RTL4: variants seen among roughly 807,000 people sequenced by gnomAD.
RTL4 encodes the protein retrotransposon Gag like 4, also known as retrotransposon Gag-like protein 4.
Under a neutral mutation model 5.3 loss-of-function variants are expected in RTL4, and 4 were observed. That is an observed-to-expected ratio of 0.75 (90% CI 0.37 to 1.72). The LOEUF (loss-of-function observed/expected upper bound fraction) is 1.72. Ranked by LOEUF, RTL4 falls within the 40% of genes most tolerant of loss-of-function variation. The pLI, the probability that RTL4 is intolerant of heterozygous loss-of-function variation, is 0.04. For missense variants in RTL4, 260 were observed against 227.1 expected, an observed-to-expected ratio of 1.14 and a Z score of -0.93; for synonymous variants, 98 against 87.3, an observed-to-expected ratio of 1.12 and a Z score of -0.68.
the RTL4 span, among the ~76,000 whole-genome samples, chrX:112,110,857 T>C: frequency 8.9e-6 from 1 of 111,968 alleles, no homozygotes; most frequent in Non-Finnish European, 1.9e-5. Flanking sequence ...TCTATCGTTC[T>C]GTCCTGAAGG....
exon 1 of RTL4, chrX:112,455,826 C>A: frequency 1.3e-5 from 6 of 465,772 alleles, no homozygotes; most frequent in Non-Finnish European, 2.1e-5. Flanking sequence ...TGTTCATTGG[C>A]AAATTACCCC....
At chrX:112,280,761 C>A in the RTL4 span, among the ~76,000 whole-genome samples, 1 of 111,765 alleles carries the variant, frequency 8.9e-6, no homozygotes, top group Non-Finnish European at 1.9e-5. Context: ...TCCCAAAATG[C>A]TGGGATTACA....
At chrX:112,215,249 C>G in the RTL4 span, among the ~76,000 whole-genome samples, 1 of 111,482 alleles carries the variant, frequency 9.0e-6, no homozygotes, top group Non-Finnish European at 1.9e-5. Context: ...CAAACATTAT[C>G]TTTTCTTTGT....
the RTL4 span, among the ~76,000 whole-genome samples, chrX:112,303,663 T>C: frequency 0.29 from 25,282 of 88,022 alleles, 4,983 homozygotes; most frequent in African/African-American, 0.57. Flanking sequence ...TGCTAAATGA[T>C]GAGTTAGTGG....
At chrX:112,261,701 T>G in the RTL4 span, among the ~76,000 whole-genome samples, 3 of 111,900 alleles carry the variant, frequency 2.7e-5, no homozygotes, top group African/African-American at 9.8e-5. Flanking sequence ...ACTTTAAAGT[T>G]CATATGGAAC....
At chrX:112,387,440 C>A in the RTL4 span, among the ~76,000 whole-genome samples, 1 of 106,478 alleles carries the variant, frequency 9.4e-6, no homozygotes, top group Non-Finnish European at 1.9e-5. Context: ...GCAGACATTT[C>A]TCAGCACCAT....
the RTL4 span, among the ~76,000 whole-genome samples, chrX:112,236,422 TATATAG>T: frequency 6.8e-4 from 38 of 56,287 alleles, no homozygotes; most frequent in African/African-American, 2.4e-3. Flanking sequence ...TCTATATCTA[TATATAG>T]ATATAGATCT....
chrX:112,308,966 G>A, the RTL4 span, among the ~76,000 whole-genome samples: 1 of 111,447 alleles, frequency 9.0e-6, no homozygotes, highest in Admixed American at 9.6e-5. Context: ...AAATCTTCCT[G>A]GATTGTGTAA....
chrX:112,327,421 A>G, the RTL4 span, among the ~76,000 whole-genome samples: 2 of 111,383 alleles, frequency 1.8e-5, no homozygotes, highest in African/African-American at 3.3e-5. Context: ...GGAAGATGAA[A>G]TGAATGAAAT....
the RTL4 span, among the ~76,000 whole-genome samples, chrX:112,244,659 CTG>C: frequency 1.8e-5 from 2 of 111,794 alleles, no homozygotes; most frequent in Non-Finnish European, 3.8e-5. Flanking sequence ...ATTTGCCAGT[CTG>C]TGTCTTTTAA....
chrX:112,238,900 G>C, the RTL4 span, among the ~76,000 whole-genome samples: 1 of 111,661 alleles, frequency 9.0e-6, no homozygotes, highest in Admixed American at 9.5e-5. Context: ...ATCCCTCATG[G>C]TTTCAGTGGA....
the RTL4 span, among the ~76,000 whole-genome samples, chrX:112,440,426 A>G: frequency 9.0e-6 from 1 of 111,590 alleles, no homozygotes; most frequent in Non-Finnish European, 1.9e-5. Context: ...AGAAGACAGG[A>G]AGACTTGACA....
the RTL4 span, among the ~76,000 whole-genome samples, chrX:112,336,462 C>T: frequency 2.7e-5 from 3 of 111,894 alleles, no homozygotes; most frequent in Admixed American, 1.9e-4. Flanking sequence ...ATCTCACATT[C>T]CTCTTGTTTG....
the RTL4 span, among the ~76,000 whole-genome samples, chrX:112,159,937 C>T: frequency 9.0e-6 from 1 of 111,124 alleles, no homozygotes; most frequent in Admixed American, 9.6e-5. Flanking sequence ...CATGGAGGGC[C>T]ACTTCCATGG....
At chrX:112,178,724 C>T in the RTL4 span, among the ~76,000 whole-genome samples, 1 of 111,392 alleles carries the variant, frequency 9.0e-6, no homozygotes, top group African/African-American at 3.3e-5. Context: ...TACCTCAACC[C>T]TAACTCCTAT....
the RTL4 span, among the ~76,000 whole-genome samples, chrX:112,135,902 A>G: frequency 9.3e-6 from 1 of 107,727 alleles, no homozygotes; most frequent in East Asian, 2.9e-4. Context: ...ATACATATAT[A>G]TATATATATG....
At chrX:112,359,647 T>C in the RTL4 span, among the ~76,000 whole-genome samples, 1 of 111,116 alleles carries the variant, frequency 9.0e-6, no homozygotes, top group East Asian at 2.8e-4. Context: ...CATTCCCCTA[T>C]CTCTTGGGAC....
the RTL4 span, among the ~76,000 whole-genome samples, chrX:112,180,222 CA>C: frequency 1.8e-5 from 2 of 110,851 alleles, no homozygotes; most frequent in Admixed American, 9.7e-5. Context: ...CCAAGCAAAG[CA>C]AAAAATCTTA....
the RTL4 span, among the ~76,000 whole-genome samples, chrX:112,233,531 A>G: frequency 1.8e-5 from 2 of 111,426 alleles, no homozygotes; most frequent in South Asian, 3.8e-4. Context: ...CTGAAAAAAG[A>G]GCAGCAAAAG....
Sources: gnomAD v4.1 joint callset for allele counts (sites outside exome capture counted in the v4.1 genomes callset) on GRCh38, gnomAD v4.1.1 for gene constraint, MANE v1.5 for transcripts, NCBI Gene and HGNC (gene_info 2026-07-23, HGNC 2026-07-21) for gene names.